The following SMYD5 variants were observed in gnomAD, a reference collection of about 807,000 sequenced individuals.
SMYD5 encodes SMYD family member 5, also known as protein-lysine N-trimethyltransferase SMYD5.
In SMYD5, 35 loss-of-function variants were observed where a neutral mutation model predicts 57.4. That is an observed-to-expected ratio of 0.61 (90% confidence interval 0.47 to 0.81). SMYD5 has a LOEUF of 0.81. Ranked by LOEUF, SMYD5 falls within the 30% of genes least tolerant of loss-of-function variation. SMYD5 has a pLI of 0.00. For missense variants in SMYD5, 471 were observed against 527.9 expected, an observed-to-expected ratio of 0.89 and a Z score of 1.06; for synonymous variants, 198 against 189.7, an observed-to-expected ratio of 1.04 and a Z score of -0.36.
chr2:73,218,781 G>A, intron 1 of SMYD5, 80 bp from the exon 2 acceptor site: 2 of 1,028,426 alleles, frequency 1.9e-6, no homozygotes, highest in Non-Finnish European at 3.0e-6. Context: ...GTGGGAGTGA[G>A]GCTGGACAGC....
intron 2 of SMYD5, 163 bp from the exon 3 acceptor site, chr2:73,219,888 C>T: frequency 1.2e-6 from 1 of 844,202 alleles, no homozygotes; most frequent in Non-Finnish European, 2.0e-6. Flanking sequence ...TAAATTCATT[C>T]ATCCATTCAT....
At position 73,225,874 on chromosome 2, in the gene SMYD5, A is replaced by G. The variant is rs1437791126; in HGVS notation, c.1185A>G (p.Glu395=). 1.2e-6 allele frequency: 2 copies of G among 1,614,068 alleles called. No homozygotes were observed. The highest frequency in any genetic ancestry group is 2.2e-5 in the East Asian group (1 of 44,898). Residue 395 remains glutamate, a synonymous_variant, in exon 13 of 13, where the codon GAA becomes GAG. Coordinates refer to ENST00000389501, the MANE Select transcript of SMYD5 (RefSeq NM_006062.3). ...AACCCAATGTGACCTCAGAAGAGGAAGAGGAAGAGGAGGAGGAGGAGGAAG... is the reference window on the plus strand; with the variant it reads ...AACCCAATGTGACCTCAGAAGAGGAGGAGGAAGAGGAGGAGGAGGAGGAAG... ...ADEPNVTSEE[E]EEEEEEEEGE...
intron 1 of SMYD5, chr2:73,214,614 C>T (rs1686257771): frequency 1.3e-6 from 2 of 1,510,490 alleles, no homozygotes; most frequent in East Asian, 2.6e-5. Context: ...CCGCGGGAGG[C>T]CCTTCTGTGG....
chr2:73,225,905 C>T lies in SMYD5; in HGVS notation c.1216C>T (p.Pro406Ser). Residue 406 changes from proline to serine, a missense_variant, in exon 13 of 13, where the codon CCA becomes TCA. Physicochemically the swap from Pro to Ser is moderately conservative, Grantham distance 74. Transcript: ENST00000389501. ...EEEEEEEEGE[P>S]EDAELGDEMT... Reference sequence around the variant, plus strand: ...AGAGGAGGAGGAGGAGGAAGGAGAGCCAGAAGATGCAGAGCTGGGGGATGA... The same window carrying T: ...AGAGGAGGAGGAGGAGGAAGGAGAGTCAGAAGATGCAGAGCTGGGGGATGA... The T allele has an allele frequency of 6.2e-7, 1 of 1,614,078 alleles. No individual in the cohort carries two copies. Among genetic ancestry groups the T allele is most frequent in the Non-Finnish European group, 8.5e-7 (1 of 1,179,958 alleles).
At position 73,221,861 on chromosome 2, in the gene SMYD5, C is replaced by T. The variant is rs781697979; in HGVS notation, c.573C>T (p.Ser191=). 6.2e-7 allele frequency: 1 copy of T among 1,614,012 alleles called. No homozygotes were observed. The highest frequency in any genetic ancestry group is 1.7e-5 in the Admixed American group (1 of 60,020). ...KDKDRWIRLF[S]QFCNKTANEE... Reference sequence around the variant, plus strand: ...AGGACCGTTGGATCAGACTCTTTTCCCAGTTTTGTAACAAAACAGCCAATG... The same window carrying T: ...AGGACCGTTGGATCAGACTCTTTTCTCAGTTTTGTAACAAAACAGCCAATG... The change falls in exon 6 of 13, where the codon TCC becomes TCT. Residue 191 remains serine, a synonymous_variant. Transcript: ENST00000389501.
At chr2:73,224,079 C>A in intron 10 of SMYD5, 76 bp downstream of exon 10, 1 of 1,391,206 alleles carries the variant, frequency 7.2e-7, no homozygotes, top group Non-Finnish European at 1.0e-6. Flanking sequence ...CACAGTTTAT[C>A]TTTCTCAGTT....
chr2:73,218,518 C>A (rs1286140926), intron 1 of SMYD5, among the ~76,000 whole-genome samples: 1 of 152,250 alleles, frequency 6.6e-6, no homozygotes, highest in Non-Finnish European at 1.5e-5. Flanking sequence ...ATTATCAGCT[C>A]CTGGTACTGG....
intron 1 of SMYD5, among the ~76,000 whole-genome samples, chr2:73,217,450 G>A (rs1341832733): frequency 6.6e-6 from 1 of 152,156 alleles, no homozygotes; most frequent in Non-Finnish European, 1.5e-5. Context: ...AATAATGTGA[G>A]TCCCTGTTCA....
At chr2:73,217,382 C>T (rs758211606) in intron 1 of SMYD5, among the ~76,000 whole-genome samples, 8 of 152,144 alleles carry the variant, frequency 5.3e-5, no homozygotes, top group Admixed American at 1.3e-4. Flanking sequence ...TGCATTTAGT[C>T]CTTCACAAAG....
rs13388239 is a variant in SMYD5, at chr2:73,219,420, C to T, written c.205+451C>T. On this transcript the variant is annotated intron_variant, in intron 2 of 12. Transcript: ENST00000389501. The stretch of plus-strand genomic sequence containing the variant: ...GAGGGGGACGGAGTTTCGCTCTTGT[C>T]ACCCAGGCTAAAGTGCAGTGGTGCA... 9.4e-3 allele frequency among the ~76,000 whole-genome samples: 1,432 copies of T among 152,238 alleles called. 16 individuals are homozygous for T. Among genetic ancestry groups the T allele is most frequent in the African/African-American group, 0.031 (1,283 of 41,540 alleles).
chr2:73,214,269 G>GT lies in SMYD5; in HGVS notation c.3_4insT (p.Ala2CysfsTer70). ...CATAAGGCGGAGGCGCGCCCAAGAT[G>GT]GCGGCCTCCATGTGCGACGTGTTCT... On this transcript the variant is annotated frameshift_variant, in exon 1 of 13. Coordinates refer to ENST00000389501, the MANE Select transcript of SMYD5 (RefSeq NM_006062.3). LOFTEE classifies it high-confidence loss of function. 1 of 1,613,776 alleles carries GT rather than the reference G, an allele frequency of 6.2e-7. No individual in the cohort carries two copies. The highest frequency in any genetic ancestry group is 1.1e-5 in the South Asian group (1 of 91,060).
At chr2:73,224,068 CCA>C (rs1558553356) in intron 10 of SMYD5, 65 bp downstream of exon 10, 4 of 1,468,934 alleles carry the variant, frequency 2.7e-6, no homozygotes, top group Non-Finnish European at 2.9e-6. Context: ...GGCCTTGCAG[CCA>C]CAGTTTATCT....
At chr2:73,222,629 C>G in intron 6 of SMYD5, 126 bp from the exon 7 acceptor site, 1 of 736,010 alleles carries the variant, frequency 1.4e-6, no homozygotes, top group Non-Finnish European at 2.3e-6. Context: ...TTCCTTTGCC[C>G]CTACGGAAAG....
In SMYD5 at chr2:73,226,945, C is replaced by G. The variant is rs1298734321; in HGVS notation, c.*999C>G. ...TAGCCCTGTCTTGTCCCCTCCTACCCCCAGATTAGCACCACCCCTCTCACT... is the reference window on the plus strand; with the variant it reads ...TAGCCCTGTCTTGTCCCCTCCTACCGCCAGATTAGCACCACCCCTCTCACT... On this transcript the variant is annotated 3_prime_UTR_variant, in exon 13 of 13. Transcript: ENST00000389501. 6.5e-6 allele frequency: 1 copy of G among 152,704 alleles called. No homozygotes were observed. Among genetic ancestry groups the G allele is most frequent in the Non-Finnish European group, 1.5e-5 (1 of 68,096 alleles). 9.5% of individuals were successfully genotyped at this position (152,704 alleles called of 1,614,324 possible).
Position 73,226,145 on chromosome 2 carries a change from GA to G in SMYD5, c.*200del. On this transcript the variant is annotated 3_prime_UTR_variant, in exon 13 of 13. Coordinates refer to ENST00000389501, the MANE Select transcript of SMYD5 (RefSeq NM_006062.3). ...ACCTCATGCCCTGGACACTGCTGCT[GA>G]GTTGGCTCAGACTCTGCACTGGCAC... 1 of 711,954 alleles carries G rather than the reference GA, an allele frequency of 1.4e-6. No homozygotes were observed. Among genetic ancestry groups the G allele is most frequent in the South Asian group, 2.0e-5 (1 of 50,666 alleles). 44.1% of individuals were successfully genotyped at this position (711,954 alleles called of 1,614,324 possible). A position where few individuals can be genotyped will look rare whatever the true frequency, so the allele number is the denominator to read the frequency against.
At position 73,214,361 on chromosome 2, in the gene SMYD5, A is replaced by G. The variant is rs1359498610; in HGVS notation, c.95A>G (p.Lys32Arg). ...SVEVRFVSSA[K>R]GKGLFATQLI... ...GAAGTCCGTTTCGTGAGCAGCGCCA[A>G]GGTGAGGTCGGGGCGGGTCCTGCCG... is the stretch of plus-strand genomic sequence containing the variant. Residue 32 changes from lysine (K) to arginine (R), a missense_variant and splice_region_variant, in exon 1 of 13, where the codon AAG becomes AGG. Coordinates refer to ENST00000389501, the MANE Select transcript of SMYD5 (RefSeq NM_006062.3). 1.2e-6 allele frequency: 2 copies of G among 1,613,090 alleles called. No individual in the cohort carries two copies. The highest frequency in any genetic ancestry group is 1.7e-6 in the Non-Finnish European group (2 of 1,179,720).
At chr2:73,214,591 G>C in intron 1 of SMYD5, 1 of 1,505,350 alleles carries the variant, frequency 6.6e-7, no homozygotes, top group Non-Finnish European at 8.9e-7. Context: ...CCTCCCAGCG[G>C]AATTCGGCCA....
At chr2:73,214,417 A>G in intron 1 of SMYD5, 55 bp downstream of exon 1, 1 of 1,610,108 alleles carries the variant, frequency 6.2e-7, no homozygotes, top group East Asian at 2.2e-5. Flanking sequence ...CCATGGAGAC[A>G]GCCCGGCCGG....
Position 73,218,934 on chromosome 2 carries a change from C to T in SMYD5, c.170C>T (p.Ala57Val). The T allele has an allele frequency of 5.6e-6, 9 of 1,614,134 alleles. No individual in the cohort carries two copies. Among genetic ancestry groups the T allele is most frequent in the Non-Finnish European group, 7.6e-6 (9 of 1,179,942 alleles). Residue 57 changes from alanine (A) to valine (V), a missense_variant, in exon 2 of 13, where the codon GCA becomes GTA. Transcript: ENST00000389501. The part of the protein sequence containing the change: ...TIFVERPLVA[A>V]QFLWNALYRY... ...TTCGTAGAACGGCCCCTGGTGGCTG[C>T]ACAGTTTCTCTGGAATGCACTTTAT...
Sources: allele counts gnomAD v4.1 joint callset (sites outside exome capture counted in the v4.1 genomes callset), GRCh38; gene constraint gnomAD v4.1.1; transcripts MANE v1.5; gene names NCBI Gene and HGNC (gene_info 2026-07-23, HGNC 2026-07-21).